The following COPB1 variants were observed in gnomAD, a reference collection of about 807,000 sequenced individuals.
COPB1 encodes the protein coat protein complex I subunit beta 1, also known as coatomer subunit beta.
A neutral mutation model predicts 108.7 loss-of-function variants in COPB1; 21 were observed. That is an observed-to-expected ratio of 0.19 (90% CI 0.14 to 0.28). COPB1 has a LOEUF of 0.28. Ranked by LOEUF, COPB1 falls within the 10% of genes least tolerant of loss-of-function variation. COPB1 has a pLI of 1.00. For synonymous variants in COPB1, 378 were observed against 386.8 expected (o/e 0.98, Z 0.27); for missense variants, 919 against 1,141.3 (o/e 0.81, Z 2.81).
chr11:14,477,383 C>T (rs1166700491), intron 11 of COPB1, among the ~76,000 whole-genome samples: 1 of 12,104 alleles, frequency 8.3e-5, no homozygotes, highest in Non-Finnish European at 1.4e-4. Context: ...GAGCGAGACT[C>T]CGTCTCAAAA....
intron 14 of COPB1, among the ~76,000 whole-genome samples, chr11:14,470,559 T>C (rs138158785): frequency 1.1e-4 from 16 of 152,304 alleles, no homozygotes; most frequent in Admixed American, 2.0e-4. Context: ...CTGACACATA[T>C]GCTCTAAGCC....
At chr11:14,470,713 G>C (rs1330923592) in intron 14 of COPB1, among the ~76,000 whole-genome samples, 1 of 151,350 alleles carries the variant, frequency 6.6e-6, no homozygotes, top group Non-Finnish European at 1.5e-5. Flanking sequence ...GAGAGGAGGG[G>C]ACAGAAAAAA....
chr11:14,482,871 C>T (rs1850691558), intron 8 of COPB1, among the ~76,000 whole-genome samples, 161 bp downstream of exon 8: 2 of 152,140 alleles, frequency 1.3e-5, no homozygotes, highest in African/African-American at 4.8e-5. Flanking sequence ...AGATAATACC[C>T]CAAAAGGCTA....
chr11:14,488,990 T>C (rs1049521403), intron 5 of COPB1, among the ~76,000 whole-genome samples: 4 of 152,156 alleles, frequency 2.6e-5, no homozygotes, highest in African/African-American at 9.7e-5. Flanking sequence ...GCTGAAAACA[T>C]CTCTCCAGTA....
rs1272341953 is a variant in COPB1, at chr11:14,499,741, C to T, written c.-92G>A. 2.0e-5 allele frequency: 3 copies of T among 152,336 alleles called. No homozygotes were observed. Among genetic ancestry groups the T allele is most frequent in the Admixed American group, 1.3e-4 (2 of 15,282 alleles). 9.4% of individuals were successfully genotyped at this position (152,336 alleles called of 1,614,324 possible). Reference sequence around the variant, plus strand: ...GGGACTGGGGGCTTGTGGCCCACTACCAGGCTCCGAGGGGCAGTGGTTTGG... The same window carrying T: ...GGGACTGGGGGCTTGTGGCCCACTATCAGGCTCCGAGGGGCAGTGGTTTGG... On this transcript the variant is annotated 5_prime_UTR_variant, in exon 1 of 22. Transcript: ENST00000439561.
At chr11:14,480,559 T>A (rs995495946) in intron 10 of COPB1, among the ~76,000 whole-genome samples, 200 bp downstream of exon 10, 4 of 152,150 alleles carry the variant, frequency 2.6e-5, no homozygotes, top group Non-Finnish European at 5.9e-5. Context: ...ACTGTTTTTG[T>A]TTTTTTGATG....
At chr11:14,475,328 C>T (rs1469547057) in intron 13 of COPB1, among the ~76,000 whole-genome samples, 1 of 152,088 alleles carries the variant, frequency 6.6e-6, no homozygotes, top group Admixed American at 6.6e-5. Context: ...ATGAGACAAA[C>T]TACTTAGCAC....
Position 14,494,165 on chromosome 11 carries a change from T to C in COPB1, c.321+45A>G, listed in dbSNP as rs1275979424. The C allele has an allele frequency of 2.9e-6, 4 of 1,358,796 alleles. No homozygotes were observed. In the East Asian group the frequency reaches 9.3e-5, roughly 32 times the overall value. 84.2% of individuals were successfully genotyped at this position (1,358,796 alleles called of 1,614,324 possible). ...CACAGCCCATTCTACCAATTTTACATTTAAATTCAAAGCAATATTCAGAAA... is the reference window on the plus strand; with the variant it reads ...CACAGCCCATTCTACCAATTTTACACTTAAATTCAAAGCAATATTCAGAAA... On this transcript the variant is annotated intron_variant, in intron 3 of 21. Transcript: ENST00000439561.
At chr11:14,458,487 C>A (rs200182135) in intron 21 of COPB1, 45 bp downstream of exon 21, 13 of 1,548,648 alleles carry the variant, frequency 8.4e-6, no homozygotes, top group Middle Eastern at 1.8e-4. Flanking sequence ...ATTCCTCCCC[C>A]CTTTGTCAGT....
intron 2 of COPB1, among the ~76,000 whole-genome samples, chr11:14,497,493 T>C (rs1851048430): frequency 6.6e-6 from 1 of 152,092 alleles, no homozygotes; most frequent in Non-Finnish European, 1.5e-5. Flanking sequence ...CAATGAGATA[T>C]CATCTCACCC....
chr11:14,480,621 G>A, intron 10 of COPB1, 138 bp downstream of exon 10: 1 of 753,970 alleles, frequency 1.3e-6, no homozygotes, highest in East Asian at 2.8e-5. Flanking sequence ...TAAAGGTAGA[G>A]GTAGATATAA....
chr11:14,462,462 G>A (rs1435944903), intron 18 of COPB1, among the ~76,000 whole-genome samples: 1 of 152,070 alleles, frequency 6.6e-6, no homozygotes, highest in East Asian at 1.9e-4. Context: ...TTGAACTCCT[G>A]ACCTCATGAT....
chr11:14,475,683 T>G, intron 13 of COPB1, 102 bp downstream of exon 13: 1 of 1,221,112 alleles, frequency 8.2e-7, no homozygotes, highest in Non-Finnish European at 1.1e-6. Context: ...AGATTTTCAT[T>G]TTGGTTGCAA....
chr11:14,486,955 T>C (rs75541017), intron 6 of COPB1, among the ~76,000 whole-genome samples: 535 of 152,292 alleles, frequency 3.5e-3, no homozygotes, highest in Non-Finnish European at 6.0e-3. Flanking sequence ...CACAGGATAT[T>C]AAATTTGGTC....
chr11:14,492,070 T>C (rs1850916899), intron 4 of COPB1, among the ~76,000 whole-genome samples: 1 of 152,236 alleles, frequency 6.6e-6, no homozygotes, highest in African/African-American at 2.4e-5. Flanking sequence ...CCATATTATT[T>C]TGAAGCAAAT....
chr11:14,479,538 G>T, intron 11 of COPB1, 31 bp downstream of exon 11: 1 of 1,573,278 alleles, frequency 6.4e-7, no homozygotes. Context: ...ATGCTTACTT[G>T]ACCTTACATT....
Position 14,468,663 on chromosome 11 carries a change from T to C in COPB1, c.2145+18A>G, listed in dbSNP as rs914442141. The C allele has an allele frequency of 5.6e-6, 9 of 1,609,970 alleles. No homozygotes were observed. The African/African-American group carries it at 1.2e-4, about 22-fold the overall frequency. Reference sequence around the variant, plus strand: ...GAGTCGATTTAAATAATTTAGAGTCTATCAGACATTTTGTTACCTTGTTAA... The same window carrying C: ...GAGTCGATTTAAATAATTTAGAGTCCATCAGACATTTTGTTACCTTGTTAA... On this transcript the variant is annotated intron_variant, in intron 16 of 21. Transcript: ENST00000439561.
rs760800176 is a variant in COPB1, at chr11:14,481,071, T to C, written c.984A>G (p.Val328=). ...GTACTTCTAAGTCTGGTGTGCTCAA[T>C]ACTCTTAGGATATCCATAACCAGAT... ...LQDLVMDILR[V]LSTPDLEVRK... is the part of the protein sequence containing the mutation. Residue 328 remains valine, a synonymous_variant, in exon 9 of 22, where the codon GTA becomes GTG. Transcript: ENST00000439561. 6 of 1,613,246 alleles carry C rather than the reference T, an allele frequency of 3.7e-6. No homozygotes were observed. In the African/African-American group the frequency reaches 6.7e-5, roughly 18 times the overall value.
At chr11:14,488,366 C>T (rs1850822063) in intron 6 of COPB1, 126 bp downstream of exon 6, 2 of 450,722 alleles carry the variant, frequency 4.4e-6, no homozygotes, top group Non-Finnish European at 7.5e-6. Flanking sequence ...CTTTAATAGG[C>T]TATGCTATAA....
Sources: allele counts gnomAD v4.1 joint callset (sites outside exome capture counted in the v4.1 genomes callset), GRCh38; gene constraint gnomAD v4.1.1; transcripts MANE v1.5; gene names NCBI Gene and HGNC (gene_info 2026-07-23, HGNC 2026-07-21).